The following ARSH variants were observed in gnomAD, a reference collection of about 807,000 sequenced individuals.
The protein encoded by ARSH is arylsulfatase family member H.
In ARSH, 32 loss-of-function variants were observed where a neutral mutation model predicts 28.7. The ratio of observed to expected loss-of-function variants is 1.11; its 90% CI spans 0.84 to 1.50. The LOEUF is 1.50. Among genes scored for constraint, ARSH ranks in the 40% most tolerant of loss-of-function variants. ARSH has a pLI of 0.00. For synonymous variants in ARSH, 176 were observed against 177.3 expected, an observed-to-expected ratio of 0.99 and a Z score of 0.06; for missense variants, 440 against 452.4, an observed-to-expected ratio of 0.97 and a Z score of 0.25.
In ARSH at chrX:3,015,161, C is replaced by T. The variant is rs746044036; in HGVS notation, c.532C>T (p.Pro178Ser). ...WISTVALALV[P>S]FLLLIPKFAR... is the part of the protein sequence containing the mutation. ...CTCCACGGTAGCCCTTGCCCTGGTTCCTTTTCTGCTTCTCATTCCCAAGTT... is the reference window on the plus strand; with the variant it reads ...CTCCACGGTAGCCCTTGCCCTGGTTTCTTTTCTGCTTCTCATTCCCAAGTT... The change falls in exon 4 of 9, where the codon CCT becomes TCT. Residue 178 changes from proline (P) to serine (S), a missense_variant. Pro to Ser is a moderately conservative substitution (Grantham distance 74). Coordinates refer to ENST00000381130, the MANE Select transcript of ARSH (RefSeq NM_001011719.2). 3 of 1,208,383 alleles carry T rather than the reference C, an allele frequency of 2.5e-6. No homozygotes were observed. Among genetic ancestry groups the T allele is most frequent in the African/African-American group, 1.7e-5 (1 of 57,752 alleles).
chrX:3,021,402 G>A lies in ARSH; in HGVS notation c.902-2619G>A, dbSNP rs574730948. Among the ~76,000 whole-genome samples, 111 of 111,535 alleles carry A rather than the reference G, an allele frequency of 1.0e-3. 1 individual carries two copies. The South Asian group carries it at 0.013, about 13-fold the overall frequency. On this transcript the variant is annotated intron_variant, in intron 5 of 8. Transcript: ENST00000381130. ...AAATGATGAGTAGCTATTTTTCTGCGTAACATCTCCCAAATATTCTGAGTT... is the reference window on the plus strand; with the variant it reads ...AAATGATGAGTAGCTATTTTTCTGCATAACATCTCCCAAATATTCTGAGTT...
At chrX:3,006,933 A>G (rs1274982880) in intron 1 of ARSH, among the ~76,000 whole-genome samples, 1 of 110,832 alleles carries the variant, frequency 9.0e-6, no homozygotes, top group Non-Finnish European at 1.9e-5. Flanking sequence ...GTTGGGCAAA[A>G]TTTACATTTA....
intron 7 of ARSH, among the ~76,000 whole-genome samples, chrX:3,027,820 G>C (rs1486561593): frequency 8.9e-6 from 1 of 111,973 alleles, no homozygotes; most frequent in Non-Finnish European, 1.9e-5. Flanking sequence ...TGTATGCCTA[G>C]AGCAGGTGCG....
At position 3,029,350 on chromosome X, in the gene ARSH, A is replaced by T; in HGVS notation, c.1303A>T (p.Arg435Trp). Residue 435 changes from arginine to tryptophan, a missense_variant, in exon 8 of 9, where the codon AGG becomes TGG. Arg to Trp is a moderately radical substitution (Grantham distance 101). Transcript: ENST00000381130. ...HYCGVYLHTV[R>W]WHQKDCATVW... The stretch of plus-strand genomic sequence containing the variant: ...CTGTGGGGTCTATCTGCACACGGTC[A>T]GGTGGCATCAGAAGGACTGTAAGTA... 8.3e-7 allele frequency: 1 copy of T among 1,210,088 alleles called. No homozygotes were observed. Among genetic ancestry groups the T allele is most frequent in the East Asian group, 3.0e-5 (1 of 33,751 alleles).
intron 4 of ARSH, among the ~76,000 whole-genome samples, chrX:3,017,952 C>A (rs923739736): frequency 1.8e-5 from 2 of 112,498 alleles, no homozygotes; most frequent in Non-Finnish European, 3.8e-5. Context: ...TACTTTATGT[C>A]AGATGCTAAA....
In ARSH at chrX:3,014,962, A is replaced by G. The variant is rs776238932; in HGVS notation, c.341-8A>G. 23 of 1,201,890 alleles carry G rather than the reference A, an allele frequency of 1.9e-5. No homozygotes were observed. Among genetic ancestry groups the G allele is most frequent in the Non-Finnish European group, 2.6e-5 (23 of 890,223 alleles). ...TGCTGCCATGGTACGATTTTATTTT[A>G]CTTTTAGGCAAATGGCACCTGGGTT... On this transcript the variant is annotated splice_region_variant and splice_polypyrimidine_tract_variant and intron_variant, in intron 3 of 8. Coordinates refer to ENST00000381130, the MANE Select transcript of ARSH (RefSeq NM_001011719.2).
chrX:3,015,860 T>C (rs1033344044), intron 4 of ARSH, among the ~76,000 whole-genome samples: 2 of 111,096 alleles, frequency 1.8e-5, no homozygotes, highest in Admixed American at 1.9e-4. Flanking sequence ...ACATTTGTGA[T>C]AGACTTGAGT....
chrX:3,029,332 G>T lies in ARSH; in HGVS notation c.1285G>T (p.Val429Phe), dbSNP rs756321575. ...DHEFLFHYCG[V>F]YLHTVRWHQK... ...CGAGTTCCTCTTCCACTACTGTGGG[G>T]TCTATCTGCACACGGTCAGGTGGCA... is the stretch of plus-strand genomic sequence containing the variant. Residue 429 changes from valine (V) to phenylalanine (F), a missense_variant, in exon 8 of 9, where the codon GTC (valine) becomes TTC (phenylalanine). Transcript: ENST00000381130. 5.8e-6 allele frequency: 7 copies of T among 1,208,609 alleles called. No homozygotes were observed. In the East Asian group the frequency reaches 1.8e-4, roughly 31 times the overall value.
intron 2 of ARSH, among the ~76,000 whole-genome samples, chrX:3,010,605 G>T (rs904451468): frequency 1.8e-5 from 2 of 112,066 alleles, no homozygotes; most frequent in African/African-American, 6.5e-5. Context: ...TCCCTTACTT[G>T]ACCCCATCAT....
chrX:3,024,668 A>G (rs749049043), intron 6 of ARSH, among the ~76,000 whole-genome samples: 2 of 111,688 alleles, frequency 1.8e-5, no homozygotes, highest in Admixed American at 9.6e-5. Context: ...CAATCACACC[A>G]ATGATGCTAT....
At position 3,008,445 on chromosome X, in the gene ARSH, CTTATT is replaced by C. The variant is rs2089835178; in HGVS notation, c.93-1582_93-1578del. Among the ~76,000 whole-genome samples the C allele has an allele frequency of 4.0e-5, 4 of 99,295 alleles. No individual in the cohort carries two copies. The Admixed American group carries it at 4.4e-4, about 11-fold the overall frequency. The allele number at this position is 99,295 out of a possible 115,157, so 86.2% of individuals were successfully genotyped here. A position where few individuals can be genotyped will look rare whatever the true frequency, so the allele number is the denominator to read the frequency against. Reference sequence around the variant, plus strand: ...ATTGAAAGGCATTGGTCTTCTTCTTCTTATTTTCTTTCTTTCTTTCTTTCTTTCTT... The same window carrying C: ...ATTGAAAGGCATTGGTCTTCTTCTTCTTCTTTCTTTCTTTCTTTCTTTCTT... On this transcript the variant is annotated intron_variant, in intron 1 of 8. Transcript: ENST00000381130.
At chrX:3,009,333 G>A (rs1044567670) in intron 1 of ARSH, among the ~76,000 whole-genome samples, 10 of 110,740 alleles carry the variant, frequency 9.0e-5, no homozygotes, top group South Asian at 3.9e-4. Context: ...ACCACTGGGC[G>A]TGGTGGCTCA....
chrX:3,030,093 CTT>C (rs1212183434), intron 8 of ARSH, among the ~76,000 whole-genome samples: 1 of 109,843 alleles, frequency 9.1e-6, no homozygotes, highest in African/African-American at 3.3e-5. Flanking sequence ...ATTTTCATGA[CTT>C]AGATTTCCCG....
chrX:3,024,471 G>A (rs984791976), intron 6 of ARSH, among the ~76,000 whole-genome samples: 2 of 110,569 alleles, frequency 1.8e-5, no homozygotes, highest in Non-Finnish European at 1.9e-5. Flanking sequence ...ATCCTGTGCC[G>A]TTGTAGGTGT....
chrX:3,031,968 T>C (rs143207004), intron 8 of ARSH, among the ~76,000 whole-genome samples: 2,061 of 111,015 alleles, frequency 0.019, 20 homozygotes, highest in Non-Finnish European at 0.029. Context: ...CTCCATGCAG[T>C]AAGGAGGGAA....
intron 1 of ARSH, among the ~76,000 whole-genome samples, 162 bp from the exon 2 acceptor site, chrX:3,009,868 C>T (rs955635675): frequency 4.5e-5 from 5 of 111,801 alleles, no homozygotes; most frequent in African/African-American, 1.6e-4. Flanking sequence ...TTCTAACCAT[C>T]AATGCATATA....
chrX:3,010,985 A>G (rs953673141), intron 2 of ARSH, among the ~76,000 whole-genome samples: 6 of 111,621 alleles, frequency 5.4e-5, no homozygotes, highest in Non-Finnish European at 7.5e-5. Flanking sequence ...GGTTAATGAG[A>G]ATTATACTAA....
chrX:3,018,661 T>A lies in ARSH; in HGVS notation c.892T>A (p.Trp298Arg), dbSNP rs1401110649. 1 of 1,208,452 alleles carries A rather than the reference T, an allele frequency of 8.3e-7. No individual in the cohort carries two copies. Among genetic ancestry groups the A allele is most frequent in the Non-Finnish European group, 1.1e-6 (1 of 894,469 alleles). The change falls in exon 5 of 9, where the codon TGG becomes AGG. Residue 298 changes from tryptophan (W) to arginine (R), a missense_variant. Coordinates refer to ENST00000381130, the MANE Select transcript of ARSH (RefSeq NM_001011719.2). ...TGGGGACAATGTAGAAGAAATGGAT[T>A]GGATGGTGGGTAAGTATTCAGTAAC... ...RYGDNVEEMD[W>R]MVGKILDALD...
At chrX:3,029,820 C>T (rs1224208836) in intron 8 of ARSH, among the ~76,000 whole-genome samples, 6 of 111,455 alleles carry the variant, frequency 5.4e-5, no homozygotes, top group African/African-American at 1.3e-4. Flanking sequence ...CGTGAGCCAC[C>T]GTGCCTGGCC....
Sources: gnomAD v4.1 joint callset for allele counts (sites outside exome capture counted in the v4.1 genomes callset) on GRCh38, gnomAD v4.1.1 for gene constraint, MANE v1.5 for transcripts, NCBI Gene and HGNC (gene_info 2026-07-23, HGNC 2026-07-21) for gene names.